The following PIEZO2 variants were observed in gnomAD, a reference collection of about 807,000 sequenced individuals.
The protein encoded by PIEZO2 is piezo type mechanosensitive ion channel component 2.
In PIEZO2, 172 loss-of-function variants were observed where a neutral mutation model predicts 337.3. The observed-to-expected ratio is 0.51, with a 90% CI of 0.45 to 0.58. The LOEUF is 0.58. Ranked by LOEUF, PIEZO2 falls within the 20% of genes least tolerant of loss-of-function variation. The probability of loss-of-function intolerance (pLI) is 0.00; values close to 1 mark genes in which losing one functional copy is unlikely to be tolerated. For missense variants in PIEZO2, 3,028 were observed against 3,391.3 expected (o/e 0.89, Z 2.66); for synonymous variants, 1,251 against 1,228.5 (o/e 1.02, Z -0.38).
chr18:10,966,295 C>A (rs1305475927), intron 3 of PIEZO2, among the ~76,000 whole-genome samples: 1 of 152,166 alleles, frequency 6.6e-6, no homozygotes, highest in African/African-American at 2.4e-5. Flanking sequence ...CTTAATATCT[C>A]CCCACCATCT....
intron 18 of PIEZO2, among the ~76,000 whole-genome samples, chr18:10,779,429 G>T (rs1286689420): frequency 6.6e-6 from 1 of 152,134 alleles, no homozygotes; most frequent in African/African-American, 2.4e-5. Context: ...AGATCCCAAA[G>T]GATAACTCTG....
intron 1 of PIEZO2, among the ~76,000 whole-genome samples, chr18:11,136,089 T>C (rs2040477042): frequency 6.6e-6 from 1 of 152,244 alleles, no homozygotes; most frequent in Admixed American, 6.5e-5. Context: ...GTGTCACATC[T>C]TTTAAAATAA....
Position 10,673,805 on chromosome 18 carries a change from C to G in PIEZO2, c.8162-932G>C, listed in dbSNP as rs1401325617. 6.6e-6 allele frequency among the ~76,000 whole-genome samples: 1 copy of G among 152,122 alleles called. No individual in the cohort carries two copies. The highest frequency in any genetic ancestry group is 1.5e-5 in the Non-Finnish European group (1 of 68,026). ...ATCATTTCATACTAAATTCCTAGAT[C>G]ACAGGTGTCCAATCTTTTGGGTTCG... On this transcript the variant is annotated intron_variant, in intron 54 of 55. Transcript: ENST00000674853. The surrounding 1 kb of genome is among the most constrained non-coding windows in gnomAD (Gnocchi z 4.8).
chr18:10,825,364 G>A (rs1598539399), intron 7 of PIEZO2, among the ~76,000 whole-genome samples: 1 of 151,996 alleles, frequency 6.6e-6, no homozygotes, highest in East Asian at 1.9e-4. Flanking sequence ...GGTTATGCAG[G>A]GGTTAAGGAT....
chr18:11,114,760 T>C (rs556354256), intron 1 of PIEZO2, among the ~76,000 whole-genome samples: 2 of 151,720 alleles, frequency 1.3e-5, no homozygotes, highest in African/African-American at 4.8e-5. Flanking sequence ...CAGGACGGGA[T>C]AGAGAAAATT....
chr18:10,935,714 G>A (rs2032354596), intron 3 of PIEZO2, among the ~76,000 whole-genome samples: 1 of 152,218 alleles, frequency 6.6e-6, no homozygotes, highest in South Asian at 2.1e-4. Flanking sequence ...TGAAGTGCCA[G>A]AACTCTTAAT....
chr18:11,147,681 T>A (rs1280207953), intron 1 of PIEZO2, among the ~76,000 whole-genome samples: 1 of 152,218 alleles, frequency 6.6e-6, no homozygotes, highest in African/African-American at 2.4e-5. Flanking sequence ...GAATTCAATG[T>A]CACAGGCACT....
In PIEZO2 at chr18:10,863,250, AG is replaced by A. The variant is rs2041922347; in HGVS notation, c.493-6040del. Among the ~76,000 whole-genome samples, 1 of 152,234 alleles carries A rather than the reference AG, an allele frequency of 6.6e-6. No individual in the cohort carries two copies. The highest frequency in any genetic ancestry group is 2.4e-5 in the African/African-American group (1 of 41,468). ...ACTGCAGAAGATGAATTTCATCCCC[AG>A]GGTTCCCTTGTGAAAGGAAGCAGTG... On this transcript the variant is annotated intron_variant, in intron 5 of 55. Transcript: ENST00000674853. This position sits in a 1 kb window ranked among gnomAD's most constrained non-coding sequence, Gnocchi z 4.3.
chr18:11,008,382 C>T (rs2145642084), intron 2 of PIEZO2, among the ~76,000 whole-genome samples: 1 of 152,262 alleles, frequency 6.6e-6, no homozygotes, highest in South Asian at 2.1e-4. Context: ...AAACATATGC[C>T]CTTGTCTTAA....
At chr18:11,140,841 C>T (rs1270928615) in intron 1 of PIEZO2, among the ~76,000 whole-genome samples, 3 of 152,196 alleles carry the variant, frequency 2.0e-5, no homozygotes, top group Non-Finnish European at 4.4e-5. Flanking sequence ...TTCCTACACT[C>T]AGGCTAACTG....
chr18:10,868,917 C>T (rs1326290570), intron 5 of PIEZO2, among the ~76,000 whole-genome samples: 1 of 152,148 alleles, frequency 6.6e-6, no homozygotes, highest in Non-Finnish European at 1.5e-5. Flanking sequence ...TTATAAGAAG[C>T]TTTGTAAATC....
chr18:10,906,852 C>T (rs184683076), intron 4 of PIEZO2, among the ~76,000 whole-genome samples: 36 of 152,186 alleles, frequency 2.4e-4, no homozygotes, highest in African/African-American at 7.7e-4. Context: ...TGAGCCACCA[C>T]GCCCGGCCCA....
chr18:10,943,439 C>T lies in PIEZO2; in HGVS notation c.287-32211G>A, dbSNP rs116055955. On this transcript the variant is annotated intron_variant, in intron 3 of 55. Coordinates refer to ENST00000674853, the MANE Select transcript of PIEZO2 (RefSeq NM_001378183.1). This position sits in a 1 kb window ranked among gnomAD's most constrained non-coding sequence, Gnocchi z 4.5. ...GACATCGAGTCACAGGAGACCATTT[C>T]GGAGCTTTAAGATTTGACTGCCCTG... Among the ~76,000 whole-genome samples the T allele has an allele frequency of 7.6e-3, 1,160 of 152,294 alleles. 25 individuals are homozygous for T. The highest frequency in any genetic ancestry group is 0.025 in the African/African-American group (1,042 of 41,564).
intron 37 of PIEZO2, among the ~76,000 whole-genome samples, chr18:10,717,495 A>AGAT (rs2036059755): frequency 6.6e-6 from 1 of 152,230 alleles, no homozygotes; most frequent in African/African-American, 2.4e-5. Flanking sequence ...GCAGACGAAG[A>AGAT]GATAACCGCA....
At chr18:10,684,155 C>CTTTTTTTT (rs71169941) in intron 49 of PIEZO2, among the ~76,000 whole-genome samples, 5 of 61,396 alleles carry the variant, frequency 8.1e-5, no homozygotes, top group African/African-American at 3.3e-4. Context: ...TGTCTTTCCT[C>CTTTTTTTT]TTTTTTTTTT....
At chr18:10,774,543 C>G (rs943703898) in intron 18 of PIEZO2, among the ~76,000 whole-genome samples, 1 of 152,082 alleles carries the variant, frequency 6.6e-6, no homozygotes, top group East Asian at 1.9e-4. Flanking sequence ...GATTGGCAAC[C>G]GTGGGAAGAC....
At chr18:10,959,927 A>G (rs1356116507) in intron 3 of PIEZO2, among the ~76,000 whole-genome samples, 1 of 152,236 alleles carries the variant, frequency 6.6e-6, no homozygotes, top group Non-Finnish European at 1.5e-5. Context: ...CTTATTTCCT[A>G]AACACTGACT....
chr18:11,089,912 A>G (rs2039021304), intron 1 of PIEZO2, among the ~76,000 whole-genome samples: 4 of 152,208 alleles, frequency 2.6e-5, no homozygotes, highest in African/African-American at 7.2e-5. Flanking sequence ...AGGCCTATGA[A>G]GAGAACCGAT....
At chr18:10,994,572 A>T (rs1199819985) in intron 2 of PIEZO2, among the ~76,000 whole-genome samples, 3 of 148,768 alleles carry the variant, frequency 2.0e-5, no homozygotes, top group Non-Finnish European at 3.0e-5. Context: ...ACCATGCCTA[A>T]TTTTTTTTTG....
Sources: allele counts gnomAD v4.1 joint callset (sites outside exome capture counted in the v4.1 genomes callset), GRCh38; gene constraint gnomAD v4.1.1; non-coding constraint Gnocchi (gnomAD v3.1); transcripts MANE v1.5; gene names NCBI Gene and HGNC (gene_info 2026-07-23, HGNC 2026-07-21).